KANK1: variants seen among roughly 807,000 people sequenced by gnomAD.
KANK1 encodes KN motif and ankyrin repeat domains 1, also known as KN motif and ankyrin repeat domain-containing protein 1.
In KANK1, 109 loss-of-function variants were observed where a neutral mutation model predicts 106.2. The ratio of observed to expected loss-of-function variants is 1.03; its 90% CI spans 0.88 to 1.20. The LOEUF (loss-of-function observed/expected upper bound fraction) is 1.20, where lower values mean the gene tolerates loss of function less well. Among genes scored for constraint, KANK1 ranks in the 50% most tolerant of loss-of-function variants. KANK1 has a pLI of 0.00. For missense variants in KANK1, 2,399 were observed against 1,710.7 expected (o/e 1.40, Z -7.10); for synonymous variants, 873 against 652.2 (o/e 1.34, Z -5.16).
At chr9:597,086 A>G (rs1257260965) in intron 1 of KANK1, among the ~76,000 whole-genome samples, 1 of 151,934 alleles carries the variant, frequency 6.6e-6, no homozygotes, top group African/African-American at 2.4e-5. Context: ...TGAATAGTCC[A>G]TGGTACGGAT....
At chr9:613,321 G>C (rs955834973) in intron 1 of KANK1, among the ~76,000 whole-genome samples, 4 of 150,998 alleles carry the variant, frequency 2.6e-5, no homozygotes, top group African/African-American at 9.7e-5. Context: ...AAGTACAGCT[G>C]TAACAATCGT....
At chr9:583,537 C>T (rs1822692445) in intron 1 of KANK1, among the ~76,000 whole-genome samples, 1 of 152,002 alleles carries the variant, frequency 6.6e-6, no homozygotes, top group African/African-American at 2.4e-5. Context: ...ATATTAGTAT[C>T]CTTCTATGAA....
intron 1 of KANK1, among the ~76,000 whole-genome samples, chr9:666,348 C>G (rs1344883967): frequency 6.6e-6 from 1 of 152,120 alleles, no homozygotes; most frequent in Admixed American, 6.5e-5. Context: ...CTTATTACTT[C>G]TAATAGTTTT....
intron 3 of KANK1, among the ~76,000 whole-genome samples, chr9:719,784 C>T (rs972871118): frequency 1.3e-5 from 2 of 151,886 alleles, no homozygotes; most frequent in South Asian, 2.1e-4. Context: ...CTTGCTTTGT[C>T]ACCCAGACTA....
At chr9:513,325 C>T (rs950717945) in intron 1 of KANK1, among the ~76,000 whole-genome samples, 19 of 152,162 alleles carry the variant, frequency 1.2e-4, no homozygotes, top group Admixed American at 1.2e-3. Context: ...GATGTGCTGT[C>T]AGAAATAAGT....
intron 1 of KANK1, among the ~76,000 whole-genome samples, chr9:612,432 A>T (rs182705799): frequency 6.6e-6 from 1 of 152,292 alleles, no homozygotes; most frequent in African/African-American, 2.4e-5. Context: ...TGTCTGCTGA[A>T]ATGGTGATAA....
chr9:739,298 T>C (rs117588895), intron 8 of KANK1, among the ~76,000 whole-genome samples: 1,652 of 152,356 alleles, frequency 0.011, 16 homozygotes, highest in Non-Finnish European at 0.017. Context: ...AGTCAGAGTA[T>C]CTCAGTCTGA....
At position 710,633 on chromosome 9, in the gene KANK1, A is replaced by C. The variant is rs547785585; in HGVS notation, c.38-171A>C. Among the ~76,000 whole-genome samples the C allele has an allele frequency of 1.7e-4, 20 of 115,938 alleles. 1 individual carries two copies. Among genetic ancestry groups the C allele is most frequent in the Admixed American group, 8.6e-4 (11 of 12,726 alleles). The allele number at this position is 115,938 out of a possible 152,430, so 76.1% of individuals were successfully genotyped here. On this transcript the variant is annotated intron_variant, in intron 2 of 11. Transcript: ENST00000382297. ...CCTGTCTCAAAAAAAAAAAAAACAAAAAAAAACAAAAAAAACTTGCTTACC... is the reference window on the plus strand; with the variant it reads ...CCTGTCTCAAAAAAAAAAAAAACAACAAAAAACAAAAAAAACTTGCTTACC...
intron 9 of KANK1, among the ~76,000 whole-genome samples, chr9:741,537 G>A (rs1835528009): frequency 6.7e-6 from 1 of 149,572 alleles, no homozygotes; most frequent in Non-Finnish European, 1.5e-5. Context: ...ACCCAGGCTG[G>A]AGTGCAGTGG....
intron 1 of KANK1, among the ~76,000 whole-genome samples, chr9:522,966 T>C (rs1378401287): frequency 6.6e-6 from 1 of 151,770 alleles, no homozygotes. Flanking sequence ...TTTGCTTGTA[T>C]TGATGGATAA....
chr9:693,652 TATAA>T (rs1458331511), intron 2 of KANK1: 5 of 985,356 alleles, frequency 5.1e-6, no homozygotes, highest in Non-Finnish European at 6.0e-6. Context: ...TCCAAATGGG[TATAA>T]ATAAATTCTC....
At chr9:583,837 C>A (rs1475359699) in intron 1 of KANK1, among the ~76,000 whole-genome samples, 1 of 151,652 alleles carries the variant, frequency 6.6e-6, no homozygotes, top group African/African-American at 2.4e-5. Flanking sequence ...AGAACATGAA[C>A]AAGAGTGTAA....
rs1424814600 is a variant in KANK1 at position 525,891 on chromosome 9, T to G, written c.-84+21137T>G. The stretch of plus-strand genomic sequence containing the variant: ...CTTCACAGTTAGTTTTAAAAAAAAA[T>G]GCATTTGTCACCCAGAGGATCAATA... On this transcript the variant is annotated intron_variant, in intron 1 of 11. Coordinates refer to ENST00000382297, the MANE Select transcript of KANK1 (RefSeq NM_015158.5). Among the ~76,000 whole-genome samples the G allele has an allele frequency of 2.0e-5, 3 of 151,500 alleles. 1 individual carries two copies. The highest frequency in any genetic ancestry group is 7.3e-5 in the African/African-American group (3 of 40,902).
chr9:651,839 A>T (rs1840945752), intron 1 of KANK1, among the ~76,000 whole-genome samples: 1 of 152,242 alleles, frequency 6.6e-6, no homozygotes. Flanking sequence ...GTTGAGTTTT[A>T]TAAAATATAA....
chr9:546,123 G>A (rs1270772208), intron 1 of KANK1, among the ~76,000 whole-genome samples: 7 of 152,122 alleles, frequency 4.6e-5, no homozygotes, highest in Admixed American at 6.5e-5. Flanking sequence ...TGAGTGGACC[G>A]TGCATGGGAC....
Position 734,790 on chromosome 9 carries a change from G to T in KANK1, c.3288G>T (p.Leu1096=). 1.2e-6 allele frequency: 2 copies of T among 1,613,880 alleles called. No homozygotes were observed. Among genetic ancestry groups the T allele is most frequent in the Non-Finnish European group, 1.7e-6 (2 of 1,179,764 alleles). ...AGATGTTGTCTGCATGCAACTTACT[G>T]AAAAATACTATAAATGACCCCAAAG... ...SEKMLSACNL[L]KNTINDPKAL... is the part of the protein sequence containing the mutation. Residue 1096 remains leucine, a synonymous_variant, in exon 7 of 12, where the codon CTG becomes CTT. Transcript: ENST00000382297.
intron 1 of KANK1, among the ~76,000 whole-genome samples, chr9:524,643 A>G (rs1420726660): frequency 2.6e-5 from 4 of 151,456 alleles, no homozygotes; most frequent in Non-Finnish European, 5.9e-5. Context: ...TCAGCCTTCC[A>G]GGTAGCTGGG....
intron 1 of KANK1, among the ~76,000 whole-genome samples, chr9:525,815 G>C (rs996040615): frequency 6.6e-6 from 1 of 151,336 alleles, no homozygotes; most frequent in South Asian, 2.1e-4. Context: ...CCTGGCTGCC[G>C]TTTCTCCATT....
intron 1 of KANK1, among the ~76,000 whole-genome samples, chr9:581,835 T>A (rs1044572514): frequency 1.3e-5 from 2 of 152,086 alleles, no homozygotes; most frequent in Non-Finnish European, 1.5e-5. Flanking sequence ...GGGTGCTTTG[T>A]CAGCATCCAG....
Sources: allele counts gnomAD v4.1 joint callset (sites outside exome capture counted in the v4.1 genomes callset), GRCh38; gene constraint gnomAD v4.1.1; transcripts MANE v1.5; gene names NCBI Gene and HGNC (gene_info 2026-07-23, HGNC 2026-07-21).